The following SIPA1L3 variants were observed in gnomAD, a reference collection of about 807,000 sequenced individuals.
SIPA1L3 encodes signal-induced proliferation-associated 1-like protein 3.
A neutral mutation model predicts 150.1 loss-of-function variants in SIPA1L3; 59 were observed. The ratio of observed to expected loss-of-function variants is 0.39; its 90% confidence interval spans 0.32 to 0.49. SIPA1L3 has a LOEUF of 0.49. SIPA1L3 is among the 20% of genes least tolerant of loss of function. The probability of loss-of-function intolerance (pLI) is 0.86; values close to 1 mark genes in which losing one functional copy is unlikely to be tolerated. For synonymous variants in SIPA1L3, 1,070 were observed against 1,077.6 expected (o/e 0.99, Z 0.14); for missense variants, 2,211 against 2,489.5 (o/e 0.89, Z 2.38).
intron 12 of SIPA1L3, among the ~76,000 whole-genome samples, chr19:38,149,541 A>G (rs1227515079): frequency 1.3e-5 from 2 of 152,216 alleles, no homozygotes; most frequent in African/African-American, 4.8e-5. Context: ...GCTGCATAGT[A>G]TACAAAATAG....
chr19:38,079,055 G>A (rs915171498), intron 2 of SIPA1L3, among the ~76,000 whole-genome samples: 7 of 152,184 alleles, frequency 4.6e-5, no homozygotes, highest in Non-Finnish European at 7.3e-5. Flanking sequence ...CGTCCTGGAC[G>A]TTCTAGATGG....
intron 10 of SIPA1L3, among the ~76,000 whole-genome samples, chr19:38,131,046 A>G (rs921921166): frequency 1.3e-5 from 2 of 152,070 alleles, no homozygotes; most frequent in Admixed American, 6.5e-5. Flanking sequence ...CCCATTTCCT[A>G]CATGAAGCAC....
intron 1 of SIPA1L3, among the ~76,000 whole-genome samples, chr19:38,017,456 C>A: frequency 6.6e-6 from 1 of 152,062 alleles, no homozygotes; most frequent in East Asian, 1.9e-4. Context: ...AAATCTTCAC[C>A]AGAGTTCTCC....
chr19:37,982,659 G>A (rs1967231625), intron 1 of SIPA1L3, among the ~76,000 whole-genome samples: 1 of 152,198 alleles, frequency 6.6e-6, no homozygotes, highest in Admixed American at 6.5e-5. Context: ...AGCTTTTGCA[G>A]GCCACATGCA....
At chr19:37,940,763 G>A (rs960159883) in intron 1 of SIPA1L3, among the ~76,000 whole-genome samples, 13 of 149,740 alleles carry the variant, frequency 8.7e-5, no homozygotes, top group African/African-American at 3.0e-4. Context: ...TGTATTTTTA[G>A]TAGAGACAGG....
chr19:38,054,110 C>T (rs1969264668), intron 2 of SIPA1L3, among the ~76,000 whole-genome samples: 1 of 151,866 alleles, frequency 6.6e-6, no homozygotes, highest in African/African-American at 2.4e-5. Context: ...TTTGGGAGGC[C>T]GAGGTGGGCG....
At chr19:38,198,166 C>A (rs953509416) in intron 18 of SIPA1L3, among the ~76,000 whole-genome samples, 2 of 152,228 alleles carry the variant, frequency 1.3e-5, no homozygotes, top group Non-Finnish European at 2.9e-5. Context: ...TGCACTCCCT[C>A]CTCCCCTTCA....
At chr19:38,057,534 T>C (rs1393741709) in intron 2 of SIPA1L3, among the ~76,000 whole-genome samples, 1 of 151,988 alleles carries the variant, frequency 6.6e-6, no homozygotes, top group African/African-American at 2.4e-5. Context: ...GTGTTGCTCA[T>C]TGAGGTTGGG....
chr19:38,065,062 T>C, intron 2 of SIPA1L3, among the ~76,000 whole-genome samples: 1 of 152,368 alleles, frequency 6.6e-6, no homozygotes, highest in Non-Finnish European at 1.5e-5. Context: ...CGTGTAATCA[T>C]ATGAACATTT....
chr19:38,001,076 CATAT>C (rs1007713520), intron 1 of SIPA1L3, among the ~76,000 whole-genome samples: 2 of 150,150 alleles, frequency 1.3e-5, no homozygotes, highest in African/African-American at 4.9e-5. Flanking sequence ...ATATATATCA[CATAT>C]ATATATACTA....
rs1236262393 is a variant in SIPA1L3 at position 38,206,374 on chromosome 19, C to T, written c.*134C>T. The T allele has an allele frequency of 3.8e-6, 4 of 1,048,574 alleles. No individual in the cohort carries two copies. The highest frequency in any genetic ancestry group is 1.7e-5 in the South Asian group (1 of 58,672). 65.0% of individuals were successfully genotyped at this position (1,048,574 alleles called of 1,614,324 possible). A position where few individuals can be genotyped will look rare whatever the true frequency, so the allele number is the denominator to read the frequency against. On this transcript the variant is annotated 3_prime_UTR_variant, in exon 22 of 22. Transcript: ENST00000222345. ...AGGGCCCTCCCCATGGACACGGAAA[C>T]TCCGATGGCCTCACTAGGGCTGTGA...
chr19:37,957,766 A>G (rs2145566977), intron 1 of SIPA1L3, among the ~76,000 whole-genome samples: 1 of 152,076 alleles, frequency 6.6e-6, no homozygotes, highest in East Asian at 1.9e-4. Context: ...AGGCTGGTGT[A>G]CAGTGGCATA....
chr19:38,031,060 TTG>T (rs749018430), intron 2 of SIPA1L3, among the ~76,000 whole-genome samples: 41 of 152,162 alleles, frequency 2.7e-4, no homozygotes, highest in Non-Finnish European at 4.3e-4. Context: ...TACCTGAAGC[TTG>T]TGTGTGGGAC....
intron 2 of SIPA1L3, among the ~76,000 whole-genome samples, chr19:38,074,427 G>T (rs1422417853): frequency 6.6e-6 from 1 of 152,190 alleles, no homozygotes; most frequent in African/African-American, 2.4e-5. Context: ...CTTAAGTGTG[G>T]CCTCAAAGGA....
chr19:37,920,781 C>T lies in SIPA1L3; in HGVS notation c.-379+13423C>T, dbSNP rs113460292. Among the ~76,000 whole-genome samples the T allele has an allele frequency of 5.2e-3, 787 of 152,314 alleles. 6 individuals carry two copies. The highest frequency in any genetic ancestry group is 0.018 in the African/African-American group (759 of 41,574). On this transcript the variant is annotated intron_variant, in intron 1 of 21. Coordinates refer to ENST00000222345, the MANE Select transcript of SIPA1L3 (RefSeq NM_015073.3). ...GCTTTGGAAGCCCCTTTGATAAAGC[C>T]GTGTCTGGCAGCAGTGGGAACACCC...
chr19:38,194,616 G>A (rs1972880004), intron 18 of SIPA1L3, among the ~76,000 whole-genome samples: 1 of 152,198 alleles, frequency 6.6e-6, no homozygotes, highest in African/African-American at 2.4e-5. Context: ...CTCAAATTCA[G>A]AGGCATGTTC....
chr19:38,180,424 A>T (rs1972529641), intron 15 of SIPA1L3, among the ~76,000 whole-genome samples: 2 of 152,016 alleles, frequency 1.3e-5, no homozygotes, highest in South Asian at 2.1e-4. Context: ...GGCCTCCCAA[A>T]GTGCTGGGAT....
intron 4 of SIPA1L3, among the ~76,000 whole-genome samples, chr19:38,091,916 T>C (rs1240127547): frequency 6.6e-6 from 1 of 151,298 alleles, no homozygotes; most frequent in Non-Finnish European, 1.5e-5. Flanking sequence ...AAAAAAAAAT[T>C]AGCTAGGCAT....
At chr19:37,998,999 A>ACACACACACACC (rs1309022640) in intron 1 of SIPA1L3, among the ~76,000 whole-genome samples, 3 of 151,440 alleles carry the variant, frequency 2.0e-5, no homozygotes, top group Non-Finnish European at 4.4e-5. Context: ...ACACACACAC[A>ACACACACACACC]CACACACACA....
Sources: allele counts gnomAD v4.1 joint callset (sites outside exome capture counted in the v4.1 genomes callset), GRCh38; gene constraint gnomAD v4.1.1; transcripts MANE v1.5; gene names NCBI Gene and HGNC (gene_info 2026-07-23, HGNC 2026-07-21).